The following SERP2 variants were observed in gnomAD, a reference collection of about 807,000 sequenced individuals.
SERP2 encodes the protein stress-associated endoplasmic reticulum protein 2.
Under a neutral mutation model 9.1 loss-of-function variants are expected in SERP2, and 6 were observed. The observed-to-expected ratio is 0.66, with a 90% CI of 0.36 to 1.30. The LOEUF (loss-of-function observed/expected upper bound fraction) is 1.30, where lower values mean the gene tolerates loss of function less well. SERP2 is among the 50% of genes most tolerant of loss of function. SERP2 has a pLI of 0.03. For missense variants in SERP2, 58 were observed against 81.9 expected (o/e 0.71, Z 1.13); for synonymous variants, 37 against 27.3 (o/e 1.35, Z -1.10).
intron 1 of SERP2, among the ~76,000 whole-genome samples, chr13:44,375,971 A>C (rs1871625079): frequency 6.6e-6 from 1 of 152,274 alleles, no homozygotes; most frequent in Non-Finnish European, 1.5e-5. Flanking sequence ...TCAGAGCTAC[A>C]TTTAAATTAT....
At chr13:44,389,022 G>A (rs1228047311) in intron 2 of SERP2, among the ~76,000 whole-genome samples, 1 of 152,256 alleles carries the variant, frequency 6.6e-6, no homozygotes, top group Non-Finnish European at 1.5e-5. Flanking sequence ...GTGGCCACAA[G>A]TTTTGTGGCA....
At chr13:44,374,215 G>C (rs1213515331) in intron 1 of SERP2, 106 bp downstream of exon 1, 1 of 756,776 alleles carries the variant, frequency 1.3e-6, no homozygotes. Context: ...CCGGCCTCCC[G>C]GCTCCCGGCC....
At position 44,397,500 on chromosome 13, in the gene SERP2, C is replaced by T. The variant is rs900107338; in HGVS notation, c.*188C>T. ...CTTCTCACAGGACATCTTGGTGCATCCGCGTTCTCAAGCGGAAAGGACATT... is the reference window on the plus strand; with the variant it reads ...CTTCTCACAGGACATCTTGGTGCATTCGCGTTCTCAAGCGGAAAGGACATT... On this transcript the variant is annotated 3_prime_UTR_variant, in exon 3 of 3. Transcript: ENST00000379179. 15 of 602,710 alleles carry T rather than the reference C, an allele frequency of 2.5e-5. No homozygotes were observed. The highest frequency in any genetic ancestry group is 4.4e-5 in the Non-Finnish European group (15 of 338,576). The allele number at this position is 602,710 out of a possible 1,614,324, so 37.3% of individuals were successfully genotyped here. A position where few individuals can be genotyped will look rare whatever the true frequency, so the allele number is the denominator to read the frequency against.
At chr13:44,395,675 G>A (rs1228662189) in intron 2 of SERP2, 2 of 269,630 alleles carry the variant, frequency 7.4e-6, no homozygotes, top group African/African-American at 2.3e-5. Flanking sequence ...AGCACATCCA[G>A]AATTAAATAT....
In SERP2 at chr13:44,374,110, G is replaced by T; in HGVS notation, c.84+1G>T. Reference sequence around the variant, plus strand: ...GAGGGGGAACGTAGCCAAAACCCTGGTAAGGCGGGGTCGGCGCCGGCCAGG... The same window carrying T: ...GAGGGGGAACGTAGCCAAAACCCTGTTAAGGCGGGGTCGGCGCCGGCCAGG... On this transcript the variant is annotated splice_donor_variant, in intron 1 of 2. Coordinates refer to ENST00000379179, the MANE Select transcript of SERP2 (RefSeq NM_001010897.3). LOFTEE classifies it high-confidence loss of function. 7.0e-7 allele frequency: 1 copy of T among 1,433,992 alleles called. No individual in the cohort carries two copies. Among genetic ancestry groups the T allele is most frequent in the Non-Finnish European group, 9.3e-7 (1 of 1,073,364 alleles). The allele number at this position is 1,433,992 out of a possible 1,614,324, so 88.8% of individuals were successfully genotyped here. A position where few individuals can be genotyped will look rare whatever the true frequency, so the allele number is the denominator to read the frequency against.
chr13:44,383,175 C>A (rs192727585), intron 2 of SERP2, among the ~76,000 whole-genome samples: 13 of 152,142 alleles, frequency 8.5e-5, no homozygotes, highest in Non-Finnish European at 5.9e-5. Context: ...GACCATGCCA[C>A]CTGTATTGTC....
chr13:44,373,729 G>T, upstream of SERP2: 1 of 364,902 alleles, frequency 2.7e-6, no homozygotes, highest in Non-Finnish European at 4.9e-6. The surrounding 1 kb of genome is among the most constrained non-coding windows in gnomAD (Gnocchi z 4.8). Flanking sequence ...GAGGACGTGC[G>T]GTCGCGCCTG....
In SERP2 at chr13:44,379,684, C is replaced by T; in HGVS notation, c.128C>T (p.Ala43Val). 1 of 1,612,996 alleles carries T rather than the reference C, an allele frequency of 6.2e-7. No homozygotes were observed. The highest frequency in any genetic ancestry group is 8.5e-7 in the Non-Finnish European group (1 of 1,179,378). Residue 43 changes from alanine (A) to valine (V), a missense_variant, in exon 2 of 3, where the codon GCA (alanine) becomes GTA (valine). Ala to Val is a moderately conservative substitution (Grantham distance 64, BLOSUM62 0). Coordinates refer to ENST00000379179, the MANE Select transcript of SERP2 (RefSeq NM_001010897.3). ...EKYPVGPWLL[A>V]LFVFVVCGSA... ...TATCCTGTGGGACCATGGCTGTTGG[C>T]ACTGTTTGTTTTTGTTGTCTGTGGC...
At chr13:44,391,239 C>G (rs1292306746) in intron 2 of SERP2, 3 of 152,116 alleles carry the variant, frequency 2.0e-5, no homozygotes, top group African/African-American at 7.2e-5. Context: ...CATTATCAGG[C>G]CTTTAGGAGT....
chr13:44,379,541 G>T (rs879156955), intron 1 of SERP2, 100 bp from the exon 2 acceptor site: 5 of 764,452 alleles, frequency 6.5e-6, no homozygotes, highest in African/African-American at 5.3e-5. Flanking sequence ...TGTCTCATTC[G>T]CAGTAGAATC....
At chr13:44,374,176 G>GGGGGGGGC in intron 1 of SERP2, 67 bp downstream of exon 1, 1 of 760,626 alleles carries the variant, frequency 1.3e-6, no homozygotes, top group Non-Finnish European at 1.9e-6. Context: ...GAAGGTGGGG[G>GGGGGGGGC]CGGGGCCGGG....
intron 2 of SERP2, among the ~76,000 whole-genome samples, chr13:44,384,637 C>T (rs896496283): frequency 2.6e-5 from 4 of 152,192 alleles, no homozygotes; most frequent in Non-Finnish European, 5.9e-5. Context: ...GACAGATAGA[C>T]CCTTTTCCTA....
intron 1 of SERP2, 83 bp downstream of exon 1, chr13:44,374,192 A>T: frequency 2.2e-6 from 2 of 903,294 alleles, no homozygotes; most frequent in East Asian, 3.5e-5. Context: ...CCGGGCGGGT[A>T]GCGGCGCAGG....
chr13:44,387,714 TC>T (rs1294239208), intron 2 of SERP2, among the ~76,000 whole-genome samples: 3 of 152,228 alleles, frequency 2.0e-5, no homozygotes, highest in Non-Finnish European at 4.4e-5. Flanking sequence ...TTTCTCTCTG[TC>T]CTGATGTCTC....
chr13:44,393,036 GA>G (rs35827398), intron 2 of SERP2, among the ~76,000 whole-genome samples: 64,145 of 151,308 alleles, frequency 0.42, 14,086 homozygotes, highest in East Asian at 0.66. Flanking sequence ...GCCAAGGGAA[GA>G]GAGTTTCAAG....
rs373791640 is a variant in SERP2 at position 44,381,888 on chromosome 13, GT to G, written c.157+2177del. On this transcript the variant is annotated intron_variant, in intron 2 of 2. Coordinates refer to ENST00000379179, the MANE Select transcript of SERP2 (RefSeq NM_001010897.3). ...GCAGTTATTTAGTTTACTTACTTAG[GT>G]TCATTTCCCTCCAGTAGGATATAAG... Among the ~76,000 whole-genome samples the G allele has an allele frequency of 2.7e-3, 410 of 152,148 alleles. 4 individuals carry two copies. The highest frequency in any genetic ancestry group is 9.1e-3 in the African/African-American group (378 of 41,506).
Position 44,385,127 on chromosome 13 carries a change from G to T in SERP2, c.157+5414G>T, listed in dbSNP as rs1872238586. Reference sequence around the variant, plus strand: ...TTCTCTGTTTTATGTGGAAAAACAGGTTAACAAGCCTGTAAAAAGTCTACA... The same window carrying T: ...TTCTCTGTTTTATGTGGAAAAACAGTTTAACAAGCCTGTAAAAAGTCTACA... On this transcript the variant is annotated intron_variant, in intron 2 of 2. Transcript: ENST00000379179. Among the ~76,000 whole-genome samples, 5 of 152,288 alleles carry T rather than the reference G, an allele frequency of 3.3e-5. No homozygotes were observed. The South Asian group carries it at 1.0e-3, about 32-fold the overall frequency.
rs1873191001 is a variant in SERP2 at position 44,397,535 on chromosome 13, T to C, written c.*223T>C. On this transcript the variant is annotated 3_prime_UTR_variant, in exon 3 of 3. Coordinates refer to ENST00000379179, the MANE Select transcript of SERP2 (RefSeq NM_001010897.3). The stretch of plus-strand genomic sequence containing the variant: ...AAGCGGAAAGGACATTTTGCTTTTC[T>C]GTTGGCAGGATTAGTAGCCACGCGG... 8.6e-6 allele frequency: 5 copies of C among 580,170 alleles called. No individual in the cohort carries two copies. Among genetic ancestry groups the C allele is most frequent in the African/African-American group, 1.9e-5 (1 of 53,450 alleles). The allele number at this position is 580,170 out of a possible 1,614,324, so 35.9% of individuals were successfully genotyped here. A position where few individuals can be genotyped will look rare whatever the true frequency, so the allele number is the denominator to read the frequency against.
intron 2 of SERP2, among the ~76,000 whole-genome samples, chr13:44,389,220 G>C (rs1047406538): frequency 3.3e-5 from 5 of 152,224 alleles, no homozygotes; most frequent in African/African-American, 1.2e-4. Context: ...CCATAGGGAG[G>C]AAGTTAACAT....
Sources: allele counts gnomAD v4.1 joint callset (sites outside exome capture counted in the v4.1 genomes callset), GRCh38; gene constraint gnomAD v4.1.1; non-coding constraint Gnocchi (gnomAD v3.1); transcripts MANE v1.5; gene names NCBI Gene and HGNC (gene_info 2026-07-23, HGNC 2026-07-21).